The following DPH6 variants were observed in gnomAD, a reference collection of about 807,000 sequenced individuals.
The protein encoded by DPH6 is diphthine--ammonia ligase.
A neutral mutation model predicts 38.2 loss-of-function variants in DPH6; 33 were observed. The ratio of observed to expected loss-of-function variants is 0.86; its 90% CI spans 0.65 to 1.15. DPH6 has a LOEUF of 1.15. Ranked by LOEUF, DPH6 falls within the 50% of genes most tolerant of loss-of-function variation. The pLI is 0.00. For synonymous variants in DPH6, 108 were observed against 103.0 expected (o/e 1.05, Z -0.30); for missense variants, 325 against 320.0 (o/e 1.02, Z -0.12).
chr15:35,363,011 T>C (rs2052626803), intron 3 of DPH6, among the ~76,000 whole-genome samples: 1 of 152,216 alleles, frequency 6.6e-6, no homozygotes, highest in African/African-American at 2.4e-5. Flanking sequence ...TAACATTCCC[T>C]GCATACTTTC....
chr15:35,222,181 T>C (rs866183947), intron 3 of DPH6, among the ~76,000 whole-genome samples: 3 of 152,242 alleles, frequency 2.0e-5, no homozygotes, highest in Middle Eastern at 3.2e-3. Flanking sequence ...TTCTGAGCCA[T>C]GTAGAAACAA....
the DPH6 span, among the ~76,000 whole-genome samples, chr15:35,167,423 C>T: frequency 6.7e-6 from 1 of 148,814 alleles, no homozygotes; most frequent in Non-Finnish European, 1.5e-5. Flanking sequence ...AGATATGTCA[C>T]TCTAACTTTC....
At chr15:35,454,159 C>T (rs1595379257) in intron 4 of DPH6, among the ~76,000 whole-genome samples, 3 of 151,976 alleles carry the variant, frequency 2.0e-5, no homozygotes, top group East Asian at 3.9e-4. Flanking sequence ...TAGAATTGAC[C>T]GTTTTGGTAT....
At position 35,303,270 on chromosome 15, in the gene DPH6, C is replaced by T. The variant is rs973257011; in HGVS notation, n.200+70251G>A. Reference sequence around the variant, plus strand: ...CTTAATAATACTGTCTATAAAGGTGCGATGTTATCTATATGTAGTCAGATG... The same window carrying T: ...CTTAATAATACTGTCTATAAAGGTGTGATGTTATCTATATGTAGTCAGATG... On this transcript the variant is annotated intron_variant and non_coding_transcript_variant, in intron 3 of 3. Transcript: ENST00000560386. 7.9e-5 allele frequency among the ~76,000 whole-genome samples: 12 copies of T among 151,556 alleles called. No homozygotes were observed. In the South Asian group the frequency reaches 1.5e-3, roughly 18 times the overall value.
the DPH6 span, among the ~76,000 whole-genome samples, chr15:35,212,186 GT>G: frequency 2.0e-5 from 3 of 152,124 alleles, no homozygotes; most frequent in Non-Finnish European, 4.4e-5. Context: ...AACTGGCAGA[GT>G]TTTTGGCTCC....
rs1306030922 is a variant in DPH6, at chr15:35,279,065, A to AT, written n.201-58484_201-58483insA. Among the ~76,000 whole-genome samples the AT allele has an allele frequency of 4.3e-3, 523 of 122,744 alleles. 1 individual carries two copies. Among genetic ancestry groups the AT allele is most frequent in the East Asian group, 0.012 (49 of 3,966 alleles). The allele number at this position is 122,744 out of a possible 152,430, so 80.5% of individuals were successfully genotyped here. ...CTCTGTCTCAAAAAAAAAAAAAAAAAAAAATATATATATATATATAATTTT... is the reference window on the plus strand; with the variant it reads ...CTCTGTCTCAAAAAAAAAAAAAAAAATAAAATATATATATATATATAATTTT... On this transcript the variant is annotated intron_variant and non_coding_transcript_variant, in intron 3 of 3. Transcript: ENST00000560386.
intron 3 of DPH6, among the ~76,000 whole-genome samples, chr15:35,254,735 C>A (rs1478502687): frequency 2.0e-5 from 3 of 152,118 alleles, no homozygotes; most frequent in Admixed American, 1.3e-4. Context: ...GTTTATTTCA[C>A]CTGGGTGCAG....
intron 3 of DPH6, among the ~76,000 whole-genome samples, chr15:35,242,497 C>G (rs2051607724): frequency 7.0e-6 from 1 of 143,490 alleles, no homozygotes; most frequent in African/African-American, 2.5e-5. Context: ...CAGTTCTTCC[C>G]TTCTGTCAGA....
intron 3 of DPH6, among the ~76,000 whole-genome samples, chr15:35,457,704 G>A (rs1459626839): frequency 6.6e-6 from 1 of 152,152 alleles, no homozygotes; most frequent in African/African-American, 2.4e-5. Context: ...CCTATAAAGT[G>A]AAGACAAAAA....
At chr15:35,262,497 G>A (rs955634133) in intron 3 of DPH6, among the ~76,000 whole-genome samples, 2 of 152,058 alleles carry the variant, frequency 1.3e-5, no homozygotes, top group Admixed American at 6.6e-5. Context: ...ACCAGGTCAG[G>A]AGATGAAGAC....
chr15:35,347,788 T>C (rs1009441992), intron 3 of DPH6, among the ~76,000 whole-genome samples: 1 of 152,036 alleles, frequency 6.6e-6, no homozygotes, highest in African/African-American at 2.4e-5. Context: ...GGGTTCCAAT[T>C]TCTCCTCATC....
chr15:35,450,933 CAT>C (rs1033216310), intron 4 of DPH6, 130 bp from the exon 5 acceptor site: 13 of 657,976 alleles, frequency 2.0e-5, no homozygotes, highest in East Asian at 1.1e-4. Context: ...CTTTTAAAAA[CAT>C]ATTTTGCATA....
chr15:35,397,678 G>T (rs1479755048), intron 6 of DPH6, among the ~76,000 whole-genome samples: 1 of 151,982 alleles, frequency 6.6e-6, no homozygotes, highest in East Asian at 1.9e-4. Context: ...GAAAGAAAAA[G>T]GGCACTAATT....
At chr15:35,426,973 C>T (rs573892860) in intron 5 of DPH6, among the ~76,000 whole-genome samples, 12 of 144,218 alleles carry the variant, frequency 8.3e-5, no homozygotes, top group Admixed American at 8.3e-4. Flanking sequence ...GAATTAAATA[C>T]CAAAAATGTA....
chr15:35,459,416 T>C (rs1475972670), intron 3 of DPH6, among the ~76,000 whole-genome samples: 1 of 152,160 alleles, frequency 6.6e-6, no homozygotes. Flanking sequence ...CCAAAGGAGA[T>C]CCAAATACCA....
At chr15:35,439,979 G>A (rs2053766961) in intron 5 of DPH6, among the ~76,000 whole-genome samples, 1 of 152,150 alleles carries the variant, frequency 6.6e-6, no homozygotes, top group Admixed American at 6.5e-5. Flanking sequence ...GAGGACTGGA[G>A]AGAAATTATG....
Position 35,285,017 on chromosome 15 carries a change from G to A in DPH6, n.201-64435C>T, listed in dbSNP as rs971595329. 1.3e-4 allele frequency among the ~76,000 whole-genome samples: 19 copies of A among 151,476 alleles called. 1 individual carries two copies. The highest frequency in any genetic ancestry group is 3.6e-4 in the African/African-American group (15 of 41,238). On this transcript the variant is annotated intron_variant and non_coding_transcript_variant, in intron 3 of 3. Coordinates refer to the DPH6 transcript ENST00000560386. The stretch of plus-strand genomic sequence containing the variant: ...TAGAGATGAGGTCTTGCTATGTTAC[G>A]CAGGGTGGTCTCCAACTTCTGGGCT...
chr15:35,523,235 A>G, intron 3 of DPH6, among the ~76,000 whole-genome samples: 1 of 125,186 alleles, frequency 8.0e-6, no homozygotes, highest in African/African-American at 3.0e-5. Flanking sequence ...GTGAAGTTAC[A>G]CATTCTTTTT....
At chr15:35,508,633 T>TA (rs1566935154) in intron 3 of DPH6, among the ~76,000 whole-genome samples, 1 of 152,104 alleles carries the variant, frequency 6.6e-6, no homozygotes, top group African/African-American at 2.4e-5. Flanking sequence ...TTGAGCAAGG[T>TA]AGGGCTATTT....
Sources: allele counts gnomAD v4.1 joint callset (sites outside exome capture counted in the v4.1 genomes callset), GRCh38; gene constraint gnomAD v4.1.1; transcripts MANE v1.5; gene names NCBI Gene and HGNC (gene_info 2026-07-23, HGNC 2026-07-21).